CD81: variants seen among roughly 807,000 people sequenced by gnomAD.
CD81 encodes CD81 molecule.
CD81 carries 10 observed loss-of-function variants against 30.1 expected under a neutral mutation model. That is an observed-to-expected ratio of 0.33 (90% CI 0.21 to 0.56). The LOEUF is 0.56. Among genes scored for constraint, CD81 ranks in the 20% least tolerant of loss-of-function variants. CD81 has a pLI of 0.89. For synonymous variants in CD81, 147 were observed against 126.4 expected (o/e 1.16, Z -1.10); for missense variants, 263 against 308.7 (o/e 0.85, Z 1.11).
Position 2,378,609 on chromosome 11 carries a change from G to A in CD81, c.66+994G>A, listed in dbSNP as rs1410621453. Reference sequence around the variant, plus strand: ...ATTTCCTGTCGGTGTTAGAATTGGGGAGGGGGTGGAAATCCCTTCTTGGCC... The same window carrying A: ...ATTTCCTGTCGGTGTTAGAATTGGGAAGGGGGTGGAAATCCCTTCTTGGCC... On this transcript the variant is annotated intron_variant, in intron 1 of 7. Coordinates refer to ENST00000263645, the MANE Select transcript of CD81 (RefSeq NM_004356.4). This position sits in a 1 kb window ranked among gnomAD's most constrained non-coding sequence, Gnocchi z 4.9. Among the ~76,000 whole-genome samples, 1 of 152,190 alleles carries A rather than the reference G, an allele frequency of 6.6e-6. No individual in the cohort carries two copies.
rs1246226936 is a variant in CD81, at chr11:2,395,984, G to A, written c.561+14G>A. ...AACCTCTTCAAGGTGCGCGAGGCCG[G>A]TGGGGCCGCGCCTGACCCCCCGCAT... is the stretch of plus-strand genomic sequence containing the variant. On this transcript the variant is annotated intron_variant, in intron 6 of 7. Coordinates refer to ENST00000263645, the MANE Select transcript of CD81 (RefSeq NM_004356.4). 1 of 1,561,934 alleles carries A rather than the reference G, an allele frequency of 6.4e-7. No individual in the cohort carries two copies.
At chr11:2,379,204 G>T (rs1277329095) in intron 1 of CD81, 2 of 453,564 alleles carry the variant, frequency 4.4e-6, no homozygotes, top group African/African-American at 2.0e-5. Context: ...GTCCCCTGAC[G>T]AGGCGAGTGT....
At position 2,396,689 on chromosome 11, in the gene CD81, C is replaced by T. The variant is rs1426519785; in HGVS notation, c.623C>T (p.Ala208Val). Residue 208 changes from alanine (A) to valine (V), a missense_variant, in exon 7 of 8, where the codon GCT becomes GTT. Physicochemically the swap from Ala to Val is moderately conservative, Grantham distance 64. Around this residue, in one of 3 missense-constraint regions of CD81, gnomAD observed 176 missense variants for 192.9 expected, o/e 0.91. Transcript: ENST00000263645. ...FSGKLYLIGI[A>V]AIVVAVIMIF... ...GGGAAGCTGTACCTCATCGGCATTG[C>T]TGCCATCGTGGTCGCTGTGATCATG... 2.5e-6 allele frequency: 4 copies of T among 1,611,870 alleles called. No homozygotes were observed. Among genetic ancestry groups the T allele is most frequent in the Admixed American group, 1.7e-5 (1 of 60,034 alleles).
intron 1 of CD81, among the ~76,000 whole-genome samples, chr11:2,383,875 C>G (rs1027250182): frequency 6.6e-6 from 1 of 152,198 alleles, no homozygotes; most frequent in African/African-American, 2.4e-5. Context: ...GATCCCTGCC[C>G]TTTCCTGCAG....
chr11:2,395,040 G>A lies in CD81; in HGVS notation c.348G>A (p.Lys116=), dbSNP rs749880806. 4.3e-6 allele frequency: 7 copies of A among 1,611,876 alleles called. No homozygotes were observed. Among genetic ancestry groups the A allele is most frequent in the African/African-American group, 1.3e-5 (1 of 74,892 alleles). Residue 116 remains lysine (K), a synonymous_variant, in exon 4 of 8, where the codon AAG becomes AAA. Coordinates refer to ENST00000263645, the MANE Select transcript of CD81 (RefSeq NM_004356.4). ...VAAGIWGFVN[K]DQIAKDVKQF... Reference sequence around the variant, plus strand: ...CCGGCATCTGGGGCTTTGTCAACAAGGACCAGGTGAGCCTGGGTGTGCAGG... The same window carrying A: ...CCGGCATCTGGGGCTTTGTCAACAAAGACCAGGTGAGCCTGGGTGTGCAGG...
chr11:2,389,766 C>G (rs1849863757), intron 1 of CD81, among the ~76,000 whole-genome samples: 1 of 152,094 alleles, frequency 6.6e-6, no homozygotes, highest in African/African-American at 2.4e-5. Flanking sequence ...GGGATGTATC[C>G]CACAAACCCC....
intron 2 of CD81, chr11:2,393,891 G>A (rs1254703176): frequency 1.4e-6 from 1 of 701,200 alleles, no homozygotes; most frequent in Admixed American, 2.0e-5. Flanking sequence ...TCTCCGTCCT[G>A]TGTCATGGAA....
At chr11:2,391,093 A>AGGAGGAGG (rs372886491) in intron 2 of CD81, 1 of 205,406 alleles carries the variant, frequency 4.9e-6, no homozygotes, top group Non-Finnish European at 1.0e-5. Context: ...GTGATGGAGG[A>AGGAGGAGG]GGAGGAGGGG....
At chr11:2,388,438 C>A (rs1564992332) in intron 1 of CD81, among the ~76,000 whole-genome samples, 1 of 152,226 alleles carries the variant, frequency 6.6e-6, no homozygotes, top group Non-Finnish European at 1.5e-5. Context: ...TGAGCACAGC[C>A]CCCTGCCCAA....
intron 1 of CD81, among the ~76,000 whole-genome samples, chr11:2,387,987 G>A (rs1357743264): frequency 3.3e-5 from 5 of 152,208 alleles, no homozygotes; most frequent in Non-Finnish European, 7.3e-5. Flanking sequence ...GCTACAGGGG[G>A]ACCATCAACA....
intron 2 of CD81, chr11:2,391,996 C>CG (rs1420828060): frequency 6.6e-6 from 1 of 152,418 alleles, no homozygotes; most frequent in African/African-American, 2.4e-5. Context: ...CCTTGTCCTC[C>CG]GGGGCCACCA....
intron 6 of CD81, 160 bp downstream of exon 6, chr11:2,396,130 C>G (rs1234440928): frequency 3.0e-6 from 2 of 670,132 alleles, no homozygotes; most frequent in Non-Finnish European, 5.5e-6. Flanking sequence ...TGGGGTGGGA[C>G]CGCATCTGGC....
At chr11:2,391,335 A>C (rs978913726) in intron 2 of CD81, 1 of 152,484 alleles carries the variant, frequency 6.6e-6, no homozygotes. Context: ...CTCAGCCGGC[A>C]GGTGCCCCCA....
intron 2 of CD81, 49 bp from the exon 3 acceptor site, chr11:2,394,046 G>T (rs200370609): frequency 7.0e-7 from 1 of 1,435,696 alleles, no homozygotes; most frequent in East Asian, 2.3e-5. Context: ...CGGGGTCTTG[G>T]GCTGTGGCGA....
chr11:2,394,902 T>C lies in CD81; in HGVS notation c.280-70T>C, dbSNP rs1175144077. On this transcript the variant is annotated intron_variant, in intron 3 of 7. Coordinates refer to ENST00000263645, the MANE Select transcript of CD81 (RefSeq NM_004356.4). ...CTCACAGACACGCCTGCTGGGCACC[T>C]GGGTGTGTGTCCTTGGGCCCCGCCT... is the stretch of plus-strand genomic sequence containing the variant. 4 of 1,404,022 alleles carry C rather than the reference T, an allele frequency of 2.8e-6. No individual in the cohort carries two copies. The Admixed American group carries it at 6.7e-5, about 23-fold the overall frequency. 87.0% of individuals were successfully genotyped at this position (1,404,022 alleles called of 1,614,324 possible). A position where few individuals can be genotyped will look rare whatever the true frequency, so the allele number is the denominator to read the frequency against.
At chr11:2,395,142 G>A in intron 4 of CD81, 96 bp downstream of exon 4, 3 of 1,042,302 alleles carry the variant, frequency 2.9e-6, no homozygotes, top group East Asian at 2.4e-5. Flanking sequence ...TGGCTTGTGG[G>A]AGCTCTTTGG....
intron 4 of CD81, 100 bp downstream of exon 4, chr11:2,395,146 T>C: frequency 2.0e-6 from 2 of 977,746 alleles, no homozygotes; most frequent in Non-Finnish European, 3.2e-6. Context: ...TTGTGGGAGC[T>C]CTTTGGGCTC....
chr11:2,396,122 G>C, intron 6 of CD81, 152 bp downstream of exon 6: 1 of 626,272 alleles, frequency 1.6e-6, no homozygotes, highest in Non-Finnish European at 3.0e-6. Flanking sequence ...GGGAGGGTTG[G>C]GGTGGGACCG....
chr11:2,394,351 C>A (rs968105193), intron 3 of CD81, among the ~76,000 whole-genome samples, 159 bp downstream of exon 3: 1 of 152,166 alleles, frequency 6.6e-6, no homozygotes, highest in East Asian at 1.9e-4. Context: ...TAAATTAAAT[C>A]CCACCGTGCT....
Sources: gnomAD v4.1 joint callset for allele counts (sites outside exome capture counted in the v4.1 genomes callset) on GRCh38, gnomAD v4.1.1 for gene constraint, gnomAD v4.1.1 regional missense constraint, Gnocchi (gnomAD v3.1) non-coding constraint, MANE v1.5 for transcripts, NCBI Gene and HGNC (gene_info 2026-07-23, HGNC 2026-07-21) for gene names.